The following COLEC12 variants were observed in gnomAD, a reference collection of about 807,000 sequenced individuals.
COLEC12 encodes collectin-12.
Under a neutral mutation model 71.1 loss-of-function variants are expected in COLEC12, and 33 were observed. The ratio of observed to expected loss-of-function variants is 0.46; its 90% confidence interval spans 0.35 to 0.62. The LOEUF (loss-of-function observed/expected upper bound fraction) is 0.62. Among genes scored for constraint, COLEC12 ranks in the 20% least tolerant of loss-of-function variants. The pLI is 0.00. For synonymous variants in COLEC12, 350 were observed against 353.0 expected, an observed-to-expected ratio of 0.99 and a Z score of 0.10; for missense variants, 765 against 916.1, an observed-to-expected ratio of 0.84 and a Z score of 2.13.
intron 2 of COLEC12, among the ~76,000 whole-genome samples, chr18:450,083 G>C (rs1916729871): frequency 1.3e-5 from 2 of 152,158 alleles, no homozygotes; most frequent in Admixed American, 6.5e-5. Context: ...ACTTGCATTA[G>C]TGGACATTTA....
chr18:368,756 CTTCT>C (rs1914922268), intron 2 of COLEC12, among the ~76,000 whole-genome samples: 2 of 152,112 alleles, frequency 1.3e-5, no homozygotes, highest in Non-Finnish European at 2.9e-5. Context: ...GTCCCAGCTA[CTTCT>C]GAGGCTGAGG....
intron 2 of COLEC12, among the ~76,000 whole-genome samples, chr18:373,505 A>T (rs1396759926): frequency 6.6e-6 from 1 of 152,250 alleles, no homozygotes; most frequent in African/African-American, 2.4e-5. Context: ...CTGGAACCTG[A>T]TATCAAAATC....
chr18:403,802 G>T (rs1915733745), intron 2 of COLEC12, among the ~76,000 whole-genome samples: 1 of 135,076 alleles, frequency 7.4e-6, no homozygotes, highest in South Asian at 2.2e-4. Flanking sequence ...ATTTTGCCAG[G>T]TCACTGGGCA....
At position 327,598 on chromosome 18, in the gene COLEC12, G is replaced by C. The variant is rs577093169; in HGVS notation, c.2063+4070C>G. On this transcript the variant is annotated intron_variant, in intron 8 of 9. Coordinates refer to ENST00000400256, the MANE Select transcript of COLEC12 (RefSeq NM_130386.3). This position sits in a 1 kb window ranked among gnomAD's most constrained non-coding sequence, Gnocchi z 4.0. ...TCCATGTCACTATTGCCTTCTGTCTGTTCCAGCACTCTCTTTCTCAACCAG... is the reference window on the plus strand; with the variant it reads ...TCCATGTCACTATTGCCTTCTGTCTCTTCCAGCACTCTCTTTCTCAACCAG... 7.9e-5 allele frequency among the ~76,000 whole-genome samples: 12 copies of C among 152,306 alleles called. No individual in the cohort carries two copies. Among genetic ancestry groups the C allele is most frequent in the African/African-American group, 2.6e-4 (11 of 41,560 alleles).
In COLEC12 at chr18:495,588, G is replaced by A. The variant is rs116717681; in HGVS notation, c.7+4920C>T. Among the ~76,000 whole-genome samples the A allele has an allele frequency of 2.7e-3, 404 of 152,268 alleles. 2 individuals carry two copies. The highest frequency in any genetic ancestry group is 9.2e-3 in the African/African-American group (384 of 41,546). ...CTTTGCAACAGCTCCAGTTTAGAGC[G>A]TCTCCTCCACTGGCTGACTGAAGAA... On this transcript the variant is annotated intron_variant, in intron 1 of 9. Coordinates refer to ENST00000400256, the MANE Select transcript of COLEC12 (RefSeq NM_130386.3).
chr18:494,456 T>G (rs971254139), intron 1 of COLEC12, among the ~76,000 whole-genome samples: 2 of 152,132 alleles, frequency 1.3e-5, no homozygotes, highest in African/African-American at 4.8e-5. Context: ...CAACATCAAG[T>G]AGATGCCATT....
chr18:361,947 G>C (rs968346352), intron 2 of COLEC12, among the ~76,000 whole-genome samples: 1 of 152,216 alleles, frequency 6.6e-6, no homozygotes, highest in Admixed American at 6.5e-5. Flanking sequence ...TTTGGTTAGA[G>C]CAGAGATTAT....
chr18:404,802 G>C (rs745326745), intron 2 of COLEC12, among the ~76,000 whole-genome samples: 8 of 152,120 alleles, frequency 5.3e-5, no homozygotes, highest in Non-Finnish European at 2.9e-5. Context: ...TATGAAATCA[G>C]TGCACCTTGA....
intron 2 of COLEC12, among the ~76,000 whole-genome samples, chr18:434,681 T>A (rs1045831548): frequency 1.3e-5 from 2 of 152,228 alleles, no homozygotes; most frequent in Non-Finnish European, 2.9e-5. Flanking sequence ...CTCTCTCCAA[T>A]CACTTCCCTG....
At chr18:442,886 G>A (rs763627888) in intron 2 of COLEC12, among the ~76,000 whole-genome samples, 7 of 152,180 alleles carry the variant, frequency 4.6e-5, no homozygotes, top group Non-Finnish European at 1.0e-4. Context: ...GCGTGAACCC[G>A]GGAGGTGGAG....
intron 2 of COLEC12, among the ~76,000 whole-genome samples, chr18:454,422 C>T (rs1032656552): frequency 1.3e-5 from 2 of 152,222 alleles, no homozygotes; most frequent in African/African-American, 4.8e-5. Context: ...TGGCTCACAC[C>T]TGTAATCCCA....
chr18:402,202 G>A (rs1426558753), intron 2 of COLEC12, among the ~76,000 whole-genome samples: 1 of 152,070 alleles, frequency 6.6e-6, no homozygotes, highest in Non-Finnish European at 1.5e-5. Context: ...CAGGAGCACT[G>A]GTTACAGAAT....
Position 322,770 on chromosome 18 carries a change from C to T in COLEC12, c.2064-963G>A, listed in dbSNP as rs563905916. 1.3e-4 allele frequency among the ~76,000 whole-genome samples: 20 copies of T among 152,210 alleles called. No individual in the cohort carries two copies. The South Asian group carries it at 3.5e-3, about 27-fold the overall frequency. On this transcript the variant is annotated intron_variant, in intron 8 of 9. Transcript: ENST00000400256. Reference sequence around the variant, plus strand: ...TACCGCACTGGCCACAGGGTGTCCTCGGGTCACCCGAGGAGACAGCCTGTA... The same window carrying T: ...TACCGCACTGGCCACAGGGTGTCCTTGGGTCACCCGAGGAGACAGCCTGTA...
At chr18:464,922 GAC>G (rs1917056787) in intron 2 of COLEC12, among the ~76,000 whole-genome samples, 1 of 152,194 alleles carries the variant, frequency 6.6e-6, no homozygotes, top group African/African-American at 2.4e-5. Flanking sequence ...GGCTGGGGGT[GAC>G]ACACTCTTGG....
intron 1 of COLEC12, among the ~76,000 whole-genome samples, chr18:490,745 G>A (rs547561872): frequency 2.1e-4 from 32 of 152,290 alleles, no homozygotes; most frequent in African/African-American, 7.7e-4. Context: ...CACAGAAGAC[G>A]CAGTTTGAAG....
At chr18:325,656 T>TTTTTA (rs1913824305) in intron 8 of COLEC12, among the ~76,000 whole-genome samples, 2 of 89,970 alleles carry the variant, frequency 2.2e-5, no homozygotes, top group African/African-American at 3.8e-5. Context: ...TTTTTTTTTT[T>TTTTTA]GAGACAGAGT....
chr18:399,516 T>G lies in COLEC12; in HGVS notation c.59-41994A>C, dbSNP rs1330230788. On this transcript the variant is annotated intron_variant, in intron 2 of 9. Transcript: ENST00000400256. This position sits in a 1 kb window ranked among gnomAD's most constrained non-coding sequence, Gnocchi z 4.0. The stretch of plus-strand genomic sequence containing the variant: ...CTAATGTATTCATTTAGCAAATATT[T>G]ATTGACCTCCTCCTAAGTGTCAGGC... 6.6e-6 allele frequency among the ~76,000 whole-genome samples: 1 copy of G among 152,184 alleles called. No homozygotes were observed. Among genetic ancestry groups the G allele is most frequent in the Non-Finnish European group, 1.5e-5 (1 of 68,046 alleles).
chr18:480,584 C>G lies in COLEC12; in HGVS notation c.58+123G>C. ...ACTCACTTTCCAACCAAAATTGGACCTCAGAGCCACAAACACCCATGTGCA... is the reference window on the plus strand; with the variant it reads ...ACTCACTTTCCAACCAAAATTGGACGTCAGAGCCACAAACACCCATGTGCA... On this transcript the variant is annotated intron_variant, in intron 2 of 9. Coordinates refer to ENST00000400256, the MANE Select transcript of COLEC12 (RefSeq NM_130386.3). This position sits in a 1 kb window ranked among gnomAD's most constrained non-coding sequence, Gnocchi z 4.1. The G allele has an allele frequency of 1.1e-6, 1 of 874,158 alleles. No homozygotes were observed. The highest frequency in any genetic ancestry group is 1.4e-5 in the South Asian group (1 of 73,188). 54.2% of individuals were successfully genotyped at this position (874,158 alleles called of 1,614,324 possible).
At chr18:471,614 A>G (rs973046217) in intron 2 of COLEC12, among the ~76,000 whole-genome samples, 1 of 151,236 alleles carries the variant, frequency 6.6e-6, no homozygotes, top group South Asian at 2.1e-4. Flanking sequence ...ATAATTTTAA[A>G]AGTGAAACAA....
Sources: allele counts gnomAD v4.1 joint callset (sites outside exome capture counted in the v4.1 genomes callset), GRCh38; gene constraint gnomAD v4.1.1; non-coding constraint Gnocchi (gnomAD v3.1); transcripts MANE v1.5; gene names NCBI Gene and HGNC (gene_info 2026-07-23, HGNC 2026-07-21).